The following TMEM123 variants were observed in gnomAD, a reference collection of about 807,000 sequenced individuals.
TMEM123 encodes the protein transmembrane protein 123.
In TMEM123, 16 loss-of-function variants were observed where a neutral mutation model predicts 19.7. The observed-to-expected ratio is 0.81, with a 90% CI of 0.55 to 1.23. The LOEUF is 1.23. TMEM123 is among the 50% of genes most tolerant of loss of function. The pLI is 0.00. For missense variants in TMEM123, 313 were observed against 257.8 expected, an observed-to-expected ratio of 1.21 and a Z score of -1.47; for synonymous variants, 118 against 99.4, an observed-to-expected ratio of 1.19 and a Z score of -1.12.
intron 2 of TMEM123, among the ~76,000 whole-genome samples, chr11:102,429,129 G>A (rs534795701): frequency 2.6e-5 from 4 of 151,968 alleles, no homozygotes; most frequent in African/African-American, 9.7e-5. Context: ...GCCTCCTCAG[G>A]AGATTTGTTA....
rs949843723 is a variant in TMEM123 at position 102,396,405 on chromosome 11, A to G, written c.*2462T>C. ...GAAATACCAAAAGCTGGTCATTATA[A>G]TAAAAAGAAAAGAAGAGTTTAACTT... is the stretch of plus-strand genomic sequence containing the variant. On this transcript the variant is annotated 3_prime_UTR_variant, in exon 5 of 5. Transcript: ENST00000398136. 1 of 152,238 alleles carries G rather than the reference A, an allele frequency of 6.6e-6. No individual in the cohort carries two copies. Among genetic ancestry groups the G allele is most frequent in the Non-Finnish European group, 1.5e-5 (1 of 68,040 alleles). The allele number at this position is 152,238 out of a possible 1,614,324, so 9.4% of individuals were successfully genotyped here.
chr11:102,440,498 G>A (rs1266089777), intron 2 of TMEM123, among the ~76,000 whole-genome samples: 1 of 152,156 alleles, frequency 6.6e-6, no homozygotes, highest in Non-Finnish European at 1.5e-5. Context: ...ACAAGCAAAT[G>A]CTGAGAGATT....
chr11:102,452,357 G>C (rs1857950821), intron 1 of TMEM123, 167 bp downstream of exon 1: 1 of 495,472 alleles, frequency 2.0e-6, no homozygotes, highest in Admixed American at 4.2e-5. Flanking sequence ...CGGGTGACTG[G>C]TCCAAACCTC....
Position 102,401,911 on chromosome 11 carries a change from C to CA in TMEM123, c.448+4dup, listed in dbSNP as rs1325044364. 6.2e-7 allele frequency: 1 copy of CA among 1,612,398 alleles called. No individual in the cohort carries two copies. The highest frequency in any genetic ancestry group is 1.7e-5 in the Admixed American group (1 of 59,970). ...AGGAAAAAAAAGGTCAGCTTTAATACATACTTGTTACTGATGAAGCAGCAG... is the reference window on the plus strand; with the variant it reads ...AGGAAAAAAAAGGTCAGCTTTAATACAATACTTGTTACTGATGAAGCAGCAG... On this transcript the variant is annotated splice_donor_region_variant and intron_variant, in intron 3 of 4. Coordinates refer to ENST00000398136, the MANE Select transcript of TMEM123 (RefSeq NM_052932.3).
intron 2 of TMEM123, among the ~76,000 whole-genome samples, chr11:102,415,966 G>A (rs919834021): frequency 5.3e-5 from 8 of 152,068 alleles, no homozygotes; most frequent in African/African-American, 1.9e-4. Flanking sequence ...CCAGGCTGGA[G>A]TGCAATGGTG....
chr11:102,405,024 C>G (rs913336822), intron 2 of TMEM123, among the ~76,000 whole-genome samples: 1 of 151,870 alleles, frequency 6.6e-6, no homozygotes, highest in Non-Finnish European at 1.5e-5. Flanking sequence ...TCTGTGATCT[C>G]TTCTACTGAG....
intron 2 of TMEM123, among the ~76,000 whole-genome samples, chr11:102,411,786 G>A (rs1952007353): frequency 6.6e-6 from 1 of 152,096 alleles, no homozygotes; most frequent in Non-Finnish European, 1.5e-5. Context: ...TTAATTGTAA[G>A]AACGATGTCT....
chr11:102,409,556 A>ATT (rs1344357191), intron 2 of TMEM123, among the ~76,000 whole-genome samples: 1 of 152,128 alleles, frequency 6.6e-6, no homozygotes, highest in East Asian at 1.9e-4. Context: ...TAGATTAAAA[A>ATT]AAAAAAGATC....
At chr11:102,437,351 T>C (rs941885935) in intron 2 of TMEM123, among the ~76,000 whole-genome samples, 18 of 151,288 alleles carry the variant, frequency 1.2e-4, no homozygotes, top group African/African-American at 4.4e-4. Flanking sequence ...CTCAGCTACT[T>C]GGGAGGCTGA....
chr11:102,439,997 G>GA (rs1316494916), intron 2 of TMEM123, among the ~76,000 whole-genome samples: 3 of 152,120 alleles, frequency 2.0e-5, no homozygotes, highest in South Asian at 2.1e-4. Flanking sequence ...TAAGTTTAGA[G>GA]AAAAAACAGT....
intron 2 of TMEM123, 98 bp from the exon 3 acceptor site, chr11:102,402,304 T>A (rs2135841995): frequency 7.9e-7 from 1 of 1,269,184 alleles, no homozygotes; most frequent in East Asian, 2.4e-5. Context: ...AAGCAAGAGA[T>A]CTTACAAATA....
intron 2 of TMEM123, among the ~76,000 whole-genome samples, chr11:102,425,189 T>C (rs1003245581): frequency 4.6e-5 from 7 of 152,228 alleles, no homozygotes; most frequent in African/African-American, 1.7e-4. Flanking sequence ...CACAGTCATC[T>C]TCTGTGTAGC....
intron 4 of TMEM123, among the ~76,000 whole-genome samples, chr11:102,399,880 G>A (rs1951895495): frequency 6.6e-6 from 1 of 151,588 alleles, no homozygotes; most frequent in South Asian, 2.1e-4. Flanking sequence ...TGAGGCAGGA[G>A]AATAGCTTGA....
intron 2 of TMEM123, among the ~76,000 whole-genome samples, chr11:102,434,119 T>G (rs1857738914): frequency 6.6e-6 from 1 of 151,986 alleles, no homozygotes; most frequent in African/African-American, 2.4e-5. Context: ...GAAGTGGGAT[T>G]GCTGGATCAC....
intron 2 of TMEM123, among the ~76,000 whole-genome samples, chr11:102,430,823 G>C (rs778106567): frequency 6.6e-6 from 1 of 152,164 alleles, no homozygotes; most frequent in Non-Finnish European, 1.5e-5. Flanking sequence ...AGAAGGCAGA[G>C]ATTAAGTAGC....
At chr11:102,410,502 T>G (rs1198703366) in intron 2 of TMEM123, among the ~76,000 whole-genome samples, 2 of 142,044 alleles carry the variant, frequency 1.4e-5, no homozygotes, top group Admixed American at 6.9e-5. Flanking sequence ...CAATAACCCC[T>G]GTTAGTTACA....
intron 2 of TMEM123, among the ~76,000 whole-genome samples, chr11:102,414,873 T>C (rs929548849): frequency 2.0e-5 from 3 of 152,122 alleles, no homozygotes; most frequent in Non-Finnish European, 4.4e-5. Flanking sequence ...GTAAACCAAC[T>C]AGATGCTCCA....
rs190389559 is a variant in TMEM123, at chr11:102,434,598, T to C, written c.157+14214A>G. 1.4e-4 allele frequency among the ~76,000 whole-genome samples: 21 copies of C among 152,074 alleles called. No homozygotes were observed. In the East Asian group the frequency reaches 3.5e-3, roughly 25 times the overall value. On this transcript the variant is annotated intron_variant, in intron 2 of 4. Transcript: ENST00000398136. The stretch of plus-strand genomic sequence containing the variant: ...AGAAGCTTTTCAGTTTGATGTAATC[T>C]TGTCTATTTTTGTTTTTGTTGCCTG...
chr11:102,432,004 G>A (rs1362761153), intron 2 of TMEM123, among the ~76,000 whole-genome samples: 2 of 152,188 alleles, frequency 1.3e-5, no homozygotes, highest in African/African-American at 4.8e-5. Flanking sequence ...GTGGAACTGA[G>A]TCAATTAAAC....
Sources: gnomAD v4.1 joint callset for allele counts (sites outside exome capture counted in the v4.1 genomes callset) on GRCh38, gnomAD v4.1.1 for gene constraint, MANE v1.5 for transcripts, NCBI Gene and HGNC (gene_info 2026-07-23, HGNC 2026-07-21) for gene names.